TRIP4: variants seen among roughly 807,000 people sequenced by gnomAD.
TRIP4 encodes the protein thyroid hormone receptor interactor 4.
TRIP4 carries 54 observed loss-of-function variants against 81.8 expected under a neutral mutation model. The ratio of observed to expected loss-of-function variants is 0.66; its 90% CI spans 0.53 to 0.83. The LOEUF (loss-of-function observed/expected upper bound fraction) is 0.83, where lower values mean the gene tolerates loss of function less well. Ranked by LOEUF, TRIP4 falls within the 40% of genes least tolerant of loss-of-function variation. TRIP4 has a pLI of 0.00. For synonymous variants in TRIP4, 270 were observed against 242.8 expected (o/e 1.11, Z -1.04); for missense variants, 662 against 683.6 (o/e 0.97, Z 0.35).
At chr15:64,445,308 TCTTA>T (rs1224064443) in intron 12 of TRIP4, 200 bp downstream of exon 12, 5 of 344,490 alleles carry the variant, frequency 1.5e-5, no homozygotes, top group Admixed American at 5.0e-5. Context: ...TTGTCTTGCA[TCTTA>T]CTTGTCTAGA....
At chr15:64,438,766 C>G (rs1892455317) in intron 11 of TRIP4, among the ~76,000 whole-genome samples, 1 of 152,110 alleles carries the variant, frequency 6.6e-6, no homozygotes, top group African/African-American at 2.4e-5. Context: ...TGTTTGAGTT[C>G]TTTTATGTGG....
chr15:64,447,775 A>T (rs555871605), intron 12 of TRIP4, among the ~76,000 whole-genome samples: 2 of 152,278 alleles, frequency 1.3e-5, no homozygotes, highest in East Asian at 3.9e-4. Flanking sequence ...GCAGTTGTGC[A>T]ATTATGGCTC....
chr15:64,388,795 T>A (rs867114175), intron 1 of TRIP4, among the ~76,000 whole-genome samples: 1 of 152,216 alleles, frequency 6.6e-6, no homozygotes, highest in Non-Finnish European at 1.5e-5. Context: ...GACAACTTAA[T>A]TTTTCTCTCT....
At position 64,395,335 on chromosome 15, in the gene TRIP4, G is replaced by A. The variant is rs1185561349; in HGVS notation, c.272-63G>A. ...TCACCTTAGTTTATTAGCTATATTA[G>A]TTCACCAGGAATCCTCTTATCAATC... On this transcript the variant is annotated intron_variant, in intron 2 of 12. Transcript: ENST00000261884. 2.8e-6 allele frequency: 4 copies of A among 1,438,372 alleles called. No individual in the cohort carries two copies. In the African/African-American group the frequency reaches 5.8e-5, roughly 21 times the overall value. 89.1% of individuals were successfully genotyped at this position (1,438,372 alleles called of 1,614,324 possible).
intron 11 of TRIP4, among the ~76,000 whole-genome samples, chr15:64,426,661 C>G (rs1242288549): frequency 6.9e-6 from 1 of 144,022 alleles, no homozygotes; most frequent in East Asian, 2.1e-4. Flanking sequence ...GATCGTGCCA[C>G]TGCACTCCAG....
At chr15:64,419,492 G>A (rs1313311904) in intron 9 of TRIP4, among the ~76,000 whole-genome samples, 1 of 151,840 alleles carries the variant, frequency 6.6e-6, no homozygotes, top group East Asian at 1.9e-4. Flanking sequence ...CCAGGTAGCT[G>A]GGACTACAGG....
intron 7 of TRIP4, 123 bp downstream of exon 7, chr15:64,409,951 C>T: frequency 1.2e-6 from 1 of 824,446 alleles, no homozygotes. Context: ...GAACAGAAAA[C>T]ATGTTAAGAA....
intron 5 of TRIP4, among the ~76,000 whole-genome samples, chr15:64,404,183 T>TC (rs556481563): frequency 1.1e-3 from 173 of 151,396 alleles, no homozygotes; most frequent in African/African-American, 4.2e-3. Flanking sequence ...AGAGTGAAAC[T>TC]CCATCTCAAA....
intron 9 of TRIP4, among the ~76,000 whole-genome samples, chr15:64,418,956 A>G (rs901646622): frequency 2.0e-5 from 3 of 152,204 alleles, no homozygotes; most frequent in African/African-American, 7.2e-5. Flanking sequence ...TTTGTACTGA[A>G]TAGCTTAAAC....
At chr15:64,441,069 T>G (rs991945575) in intron 11 of TRIP4, among the ~76,000 whole-genome samples, 2 of 151,940 alleles carry the variant, frequency 1.3e-5, no homozygotes, top group African/African-American at 4.8e-5. Flanking sequence ...CGATCTCGGC[T>G]CACTGCAAGC....
At chr15:64,433,617 AAAAT>A (rs535154284) in intron 11 of TRIP4, among the ~76,000 whole-genome samples, 34 of 152,278 alleles carry the variant, frequency 2.2e-4, no homozygotes, top group Admixed American at 2.1e-3. Context: ...AAATAAATAA[AAAAT>A]AACTTATGTA....
chr15:64,418,976 A>G (rs1444088547), intron 9 of TRIP4, among the ~76,000 whole-genome samples: 2 of 152,176 alleles, frequency 1.3e-5, no homozygotes, highest in South Asian at 2.1e-4. Context: ...CAAACTGAGC[A>G]TAAAAAGGCT....
chr15:64,407,198 A>G (rs1891643009), intron 6 of TRIP4, among the ~76,000 whole-genome samples: 1 of 152,136 alleles, frequency 6.6e-6, no homozygotes. Flanking sequence ...TGTTGCTGAC[A>G]GTGTAATCTT....
chr15:64,388,561 G>A (rs916943974), intron 1 of TRIP4, among the ~76,000 whole-genome samples: 2 of 152,032 alleles, frequency 1.3e-5, no homozygotes, highest in Non-Finnish European at 2.9e-5. Context: ...CGCCCGCCTC[G>A]ACCTCCCAAA....
chr15:64,400,944 T>G (rs75639753), intron 5 of TRIP4, 123 bp downstream of exon 5: 30 of 655,792 alleles, frequency 4.6e-5, no homozygotes, highest in East Asian at 9.4e-5. Flanking sequence ...TCAGTTTTTT[T>G]GGGGGGTTTT....
chr15:64,424,506 A>C (rs1320581072), intron 10 of TRIP4, among the ~76,000 whole-genome samples: 3 of 152,218 alleles, frequency 2.0e-5, no homozygotes, highest in Admixed American at 2.0e-4. Context: ...AGAGTGGCCT[A>C]AATAGACACC....
intron 8 of TRIP4, among the ~76,000 whole-genome samples, chr15:64,415,103 A>T (rs1181921572): frequency 6.6e-6 from 1 of 152,090 alleles, no homozygotes; most frequent in Non-Finnish European, 1.5e-5. Context: ...TCAAAAAAAA[A>T]AAAGCAAATA....
At chr15:64,388,358 G>A (rs1900014519) in intron 1 of TRIP4, among the ~76,000 whole-genome samples, 1 of 152,102 alleles carries the variant, frequency 6.6e-6, no homozygotes, top group South Asian at 2.1e-4. Context: ...CCAGGCTGGC[G>A]TGCGGTGGCG....
rs745606961 is a variant in TRIP4 at position 64,406,339 on chromosome 15, A to C, written c.707A>C (p.Asn236Thr). The change falls in exon 6 of 13, where the codon AAT becomes ACT. Residue 236 changes from asparagine to threonine, a missense_variant. Coordinates refer to ENST00000261884, the MANE Select transcript of TRIP4 (RefSeq NM_016213.5). ...LLKKLMSGVENSGKVDISTKD... is the reference protein window; with the variant it reads ...LLKKLMSGVETSGKVDISTKD... Reference sequence around the variant, plus strand: ...CCTTATTGAATTTCAGGAGTGGAGAATTCTGGAAAGGTGGACATCTCTACC... The same window carrying C: ...CCTTATTGAATTTCAGGAGTGGAGACTTCTGGAAAGGTGGACATCTCTACC... 2 of 1,613,728 alleles carry C rather than the reference A, an allele frequency of 1.2e-6. No homozygotes were observed. The highest frequency in any genetic ancestry group is 4.5e-5 in the East Asian group (2 of 44,862).
Sources: allele counts gnomAD v4.1 joint callset (sites outside exome capture counted in the v4.1 genomes callset), GRCh38; gene constraint gnomAD v4.1.1; transcripts MANE v1.5; gene names NCBI Gene and HGNC (gene_info 2026-07-23, HGNC 2026-07-21).